PPARA: variants seen among roughly 807,000 people sequenced by gnomAD.
PPARA encodes the protein peroxisome proliferator activated receptor alpha.
Under a neutral mutation model 42.2 loss-of-function variants are expected in PPARA, and 22 were observed. The observed-to-expected ratio is 0.52, with a 90% CI of 0.37 to 0.74. The LOEUF (loss-of-function observed/expected upper bound fraction) is 0.74. PPARA is among the 30% of genes least tolerant of loss of function. PPARA has a pLI of 0.00. For synonymous variants in PPARA, 242 were observed against 239.3 expected (o/e 1.01, Z -0.10); for missense variants, 465 against 608.2 (o/e 0.76, Z 2.48).
In PPARA at chr22:46,225,561, G is replaced by A. The variant is rs933139628; in HGVS notation, c.711+5547G>A. Reference sequence around the variant, plus strand: ...CACACACGGGTACACACACATACACGTGCACCCACATGCATGCTCACACAC... The same window carrying A: ...CACACACGGGTACACACACATACACATGCACCCACATGCATGCTCACACAC... On this transcript the variant is annotated intron_variant, in intron 7 of 8. Coordinates refer to ENST00000407236, the MANE Select transcript of PPARA (RefSeq NM_005036.6). This position sits in a 1 kb window ranked among gnomAD's most constrained non-coding sequence, Gnocchi z 4.1. Among the ~76,000 whole-genome samples, 16 of 151,260 alleles carry A rather than the reference G, an allele frequency of 1.1e-4. No homozygotes were observed. Among genetic ancestry groups the A allele is most frequent in the East Asian group, 1.9e-4 (1 of 5,140 alleles).
intron 5 of PPARA, among the ~76,000 whole-genome samples, chr22:46,217,870 G>A (rs977117405): frequency 5.0e-5 from 6 of 119,062 alleles, no homozygotes; most frequent in South Asian, 2.6e-4. Context: ...TCACTCTGTC[G>A]CGCAGGCTGG....
intron 4 of PPARA, among the ~76,000 whole-genome samples, chr22:46,210,355 G>C (rs996811174): frequency 2.7e-5 from 4 of 147,868 alleles, no homozygotes; most frequent in Admixed American, 6.8e-5. Flanking sequence ...TCTATCATCT[G>C]TGTCACTTCT....
intron 7 of PPARA, among the ~76,000 whole-genome samples, chr22:46,226,207 GCACATATGCTCACACACACGTGCA>G (rs1935441378): frequency 1.3e-5 from 2 of 151,096 alleles, no homozygotes; most frequent in Admixed American, 6.6e-5. Context: ...TCACATGTGT[GCACATATGCTCACACACACGTGCA>G]CACACATGCT....
chr22:46,184,270 C>G lies in PPARA; in HGVS notation c.-43+7434C>G, dbSNP rs962642349. Among the ~76,000 whole-genome samples, 1 of 152,124 alleles carries G rather than the reference C, an allele frequency of 6.6e-6. No individual in the cohort carries two copies. The highest frequency in any genetic ancestry group is 1.5e-5 in the Non-Finnish European group (1 of 68,034). ...CAACACGCCACTGCAAGTTGGATGT[C>G]TAGAAAAGGTGCCATGAGTTACCTT... On this transcript the variant is annotated intron_variant, in intron 3 of 8. Coordinates refer to ENST00000407236, the MANE Select transcript of PPARA (RefSeq NM_005036.6). The surrounding 1 kb of genome is among the most constrained non-coding windows in gnomAD (Gnocchi z 4.4).
intron 4 of PPARA, among the ~76,000 whole-genome samples, chr22:46,209,935 G>T (rs190586345): frequency 6.6e-6 from 1 of 151,990 alleles, no homozygotes; most frequent in Admixed American, 6.6e-5. Flanking sequence ...TTGAAGAGAC[G>T]GGTCTCACTT....
At chr22:46,164,309 A>G (rs1926703086) in intron 2 of PPARA, 1 of 151,216 alleles carries the variant, frequency 6.6e-6, no homozygotes, top group Non-Finnish European at 1.5e-5. Context: ...CTGGAGTGCA[A>G]TGGCACGATC....
intron 4 of PPARA, among the ~76,000 whole-genome samples, chr22:46,210,147 A>C (rs113030409): frequency 0.022 from 3,362 of 151,910 alleles, 112 homozygotes; most frequent in African/African-American, 0.077. Flanking sequence ...CCGTCTCTAC[A>C]AAAAATACAA....
chr22:46,204,419 C>G lies in PPARA; in HGVS notation c.208+5828C>G, dbSNP rs189381694. Among the ~76,000 whole-genome samples, 275 of 152,266 alleles carry G rather than the reference C, an allele frequency of 1.8e-3. 2 individuals are homozygous for G. Among genetic ancestry groups the G allele is most frequent in the Admixed American group, 3.7e-3 (56 of 15,286 alleles). On this transcript the variant is annotated intron_variant, in intron 4 of 8. Transcript: ENST00000407236. This position sits in a 1 kb window ranked among gnomAD's most constrained non-coding sequence, Gnocchi z 5.2. ...TTTGTGTAACTTTTTAAGAAACTGC[C>G]AAAATCTTTTCCAGCATTTCAGAAA...
At position 46,219,671 on chromosome 22, in the gene PPARA, C is replaced by G. The variant is rs970532217; in HGVS notation, c.509-141C>G. 2.5e-6 allele frequency: 2 copies of G among 805,662 alleles called. No homozygotes were observed. The highest frequency in any genetic ancestry group is 3.4e-5 in the African/African-American group (2 of 58,668). The allele number at this position is 805,662 out of a possible 1,614,324, so 49.9% of individuals were successfully genotyped here. On this transcript the variant is annotated intron_variant, in intron 6 of 8. Transcript: ENST00000407236. This position sits in a 1 kb window ranked among gnomAD's most constrained non-coding sequence, Gnocchi z 4.8. ...TTTTCATCTCTCCATAGTGGAAAGC[C>G]GAATAGTAATGAAGGATGGGTCTGA...
chr22:46,150,532 G>T lies in PPARA; in HGVS notation c.-330G>T, dbSNP rs1924214959. Reference sequence around the variant, plus strand: ...GCGGCGCCGGGCATGGGCCGTGGACGCGGCGGCCCCGCGGCGGGGGCAGCG... The same window carrying T: ...GCGGCGCCGGGCATGGGCCGTGGACTCGGCGGCCCCGCGGCGGGGGCAGCG... On this transcript the variant is annotated 5_prime_UTR_variant, in exon 1 of 9. Transcript: ENST00000407236. This position sits in a 1 kb window ranked among gnomAD's most constrained non-coding sequence, Gnocchi z 7.5. The T allele has an allele frequency of 6.9e-6, 1 of 145,566 alleles. No homozygotes were observed. The highest frequency in any genetic ancestry group is 1.5e-5 in the Non-Finnish European group (1 of 65,386). 9.0% of individuals were successfully genotyped at this position (145,566 alleles called of 1,614,324 possible). A position where few individuals can be genotyped will look rare whatever the true frequency, so the allele number is the denominator to read the frequency against.
chr22:46,194,415 C>T lies in PPARA; in HGVS notation c.-42-3927C>T, dbSNP rs139316452. Reference sequence around the variant, plus strand: ...AGCAAACTAACATTGTTTTATTGGTCGATGCTCCTGGCCAGAAGAGAGAAT... The same window carrying T: ...AGCAAACTAACATTGTTTTATTGGTTGATGCTCCTGGCCAGAAGAGAGAAT... On this transcript the variant is annotated intron_variant, in intron 3 of 8. Transcript: ENST00000407236. 9.1e-3 allele frequency among the ~76,000 whole-genome samples: 1,384 copies of T among 152,144 alleles called. 19 individuals are homozygous for T. The highest frequency in any genetic ancestry group is 0.031 in the African/African-American group (1,304 of 41,502).
chr22:46,243,125 T>C lies in PPARA; in HGVS notation c.*7745T>C, dbSNP rs1199022464. The C allele has an allele frequency of 6.6e-6, 1 of 152,438 alleles. No homozygotes were observed. Among genetic ancestry groups the C allele is most frequent in the Admixed American group, 6.5e-5 (1 of 15,274 alleles). The allele number at this position is 152,438 out of a possible 1,614,324, so 9.4% of individuals were successfully genotyped here. On this transcript the variant is annotated 3_prime_UTR_variant, in exon 9 of 9. Transcript: ENST00000407236. This position sits in a 1 kb window ranked among gnomAD's most constrained non-coding sequence, Gnocchi z 5.0. Reference sequence around the variant, plus strand: ...GCAGAAACCACAGACCCCGTGAGTCTCCCCATACCTTGTTTCCAATAACTT... The same window carrying C: ...GCAGAAACCACAGACCCCGTGAGTCCCCCCATACCTTGTTTCCAATAACTT...
rs1455295197 is a variant in PPARA, at chr22:46,219,876, T to C, written c.573T>C (p.Cys191=). 1 of 1,614,090 alleles carries C rather than the reference T, an allele frequency of 6.2e-7. No homozygotes were observed. The highest frequency in any genetic ancestry group is 8.5e-7 in the Non-Finnish European group (1 of 1,180,052). The change falls in exon 7 of 9, where the codon TGT becomes TGC. Residue 191 remains cysteine (C), a synonymous_variant. Transcript: ENST00000407236. The surrounding 1 kb of genome is among the most constrained non-coding windows in gnomAD (Gnocchi z 4.8). ...KAKLKAEILT[C]EHDIEDSETA... ...AACTGAAAGCAGAAATTCTTACCTGTGAACATGACATAGAAGATTCTGAAA... is the reference window on the plus strand; with the variant it reads ...AACTGAAAGCAGAAATTCTTACCTGCGAACATGACATAGAAGATTCTGAAA...
At position 46,160,662 on chromosome 22, in the gene PPARA, G is replaced by A. The variant is rs1488830525; in HGVS notation, c.-127+8692G>A. Among the ~76,000 whole-genome samples, 1 of 152,136 alleles carries A rather than the reference G, an allele frequency of 6.6e-6. No individual in the cohort carries two copies. The highest frequency in any genetic ancestry group is 1.5e-5 in the Non-Finnish European group (1 of 68,042). On this transcript the variant is annotated intron_variant, in intron 2 of 8. Coordinates refer to ENST00000407236, the MANE Select transcript of PPARA (RefSeq NM_005036.6). The surrounding 1 kb of genome is among the most constrained non-coding windows in gnomAD (Gnocchi z 4.5). ...TGTCACCAGGCTGGAGTGCAGTGGT[G>A]TGATCTCAGCTCACTGCAACCTCCA...
Position 46,204,330 on chromosome 22 carries a change from C to A in PPARA, c.208+5739C>A, listed in dbSNP as rs1337900776. 6.6e-6 allele frequency among the ~76,000 whole-genome samples: 1 copy of A among 152,188 alleles called. No individual in the cohort carries two copies. Among genetic ancestry groups the A allele is most frequent in the East Asian group, 1.9e-4 (1 of 5,206 alleles). On this transcript the variant is annotated intron_variant, in intron 4 of 8. Coordinates refer to ENST00000407236, the MANE Select transcript of PPARA (RefSeq NM_005036.6). This position sits in a 1 kb window ranked among gnomAD's most constrained non-coding sequence, Gnocchi z 5.2. ...ATTCACGTACAAGTCTCTGTACAAC[C>A]CTCTGCTTTCATTTCTTTTGAATAA...
In PPARA at chr22:46,173,692, C is replaced by T. The variant is rs1014196417; in HGVS notation, c.-126-3061C>T. ...AGTACTGAAGGAGGAAAAATGCTATCAAGGACATTATTGGGTCAATTAACA... is the reference window on the plus strand; with the variant it reads ...AGTACTGAAGGAGGAAAAATGCTATTAAGGACATTATTGGGTCAATTAACA... On this transcript the variant is annotated intron_variant, in intron 2 of 8. Transcript: ENST00000407236. The surrounding 1 kb of genome is among the most constrained non-coding windows in gnomAD (Gnocchi z 4.3). Among the ~76,000 whole-genome samples the T allele has an allele frequency of 2.6e-5, 4 of 152,174 alleles. No individual in the cohort carries two copies. Among genetic ancestry groups the T allele is most frequent in the Admixed American group, 2.6e-4 (4 of 15,278 alleles).
intron 3 of PPARA, among the ~76,000 whole-genome samples, chr22:46,186,011 A>G (rs1245103718): frequency 7.8e-6 from 1 of 128,708 alleles, no homozygotes; most frequent in Non-Finnish European, 1.6e-5. Context: ...AGAAGGGATT[A>G]TCTTTCTACT....
chr22:46,236,932 G>A lies in PPARA; in HGVS notation c.*1552G>A, dbSNP rs1159421741. 2 of 152,190 alleles carry A rather than the reference G, an allele frequency of 1.3e-5. No individual in the cohort carries two copies. Among genetic ancestry groups the A allele is most frequent in the East Asian group, 3.8e-4 (2 of 5,196 alleles). 9.4% of individuals were successfully genotyped at this position (152,190 alleles called of 1,614,324 possible). A position where few individuals can be genotyped will look rare whatever the true frequency, so the allele number is the denominator to read the frequency against. On this transcript the variant is annotated 3_prime_UTR_variant, in exon 9 of 9. Transcript: ENST00000407236. The surrounding 1 kb of genome is among the most constrained non-coding windows in gnomAD (Gnocchi z 5.2). ...AACTTACCAACCTCAGTCCAGCTGGGAAGGCAGCGTTGATTATGGTAGTTT... is the reference window on the plus strand; with the variant it reads ...AACTTACCAACCTCAGTCCAGCTGGAAAGGCAGCGTTGATTATGGTAGTTT...
rs796117240 is a variant in PPARA at position 46,235,752 on chromosome 22, C to T, written c.*372C>T. On this transcript the variant is annotated 3_prime_UTR_variant, in exon 9 of 9. Coordinates refer to ENST00000407236, the MANE Select transcript of PPARA (RefSeq NM_005036.6). The surrounding 1 kb of genome is among the most constrained non-coding windows in gnomAD (Gnocchi z 7.0). The stretch of plus-strand genomic sequence containing the variant: ...TCGTGGCCTGTCTTCCCATTCACCC[C>T]GCTTTTGACTATTGTGCTCCTTTAT... 47 of 323,704 alleles carry T rather than the reference C, an allele frequency of 1.5e-4. No homozygotes were observed. Among genetic ancestry groups the T allele is most frequent in the African/African-American group, 9.4e-4 (44 of 46,908 alleles). The allele number at this position is 323,704 out of a possible 1,614,324, so 20.1% of individuals were successfully genotyped here.
Sources: allele counts gnomAD v4.1 joint callset (sites outside exome capture counted in the v4.1 genomes callset), GRCh38; gene constraint gnomAD v4.1.1; non-coding constraint Gnocchi (gnomAD v3.1); transcripts MANE v1.5; gene names NCBI Gene and HGNC (gene_info 2026-07-23, HGNC 2026-07-21).